Variants in GPD2 observed in about 807,000 individuals in gnomAD.
GPD2 encodes glycerol-3-phosphate dehydrogenase, mitochondrial.
Under a neutral mutation model 82.4 loss-of-function variants are expected in GPD2, and 54 were observed. The ratio of observed to expected loss-of-function variants is 0.66; its 90% CI spans 0.53 to 0.82. GPD2 has a LOEUF of 0.82. Among genes scored for constraint, GPD2 ranks in the 40% least tolerant of loss-of-function variants. The pLI, the probability that GPD2 is intolerant of heterozygous loss-of-function variation, is 0.00. For missense variants in GPD2, 748 were observed against 896.2 expected, an observed-to-expected ratio of 0.83 and a Z score of 2.11; for synonymous variants, 288 against 306.1, an observed-to-expected ratio of 0.94 and a Z score of 0.62.
the GPD2 span, among the ~76,000 whole-genome samples, chr2:156,419,124 A>G: frequency 7.3e-6 from 1 of 137,056 alleles, no homozygotes; most frequent in Non-Finnish European, 1.5e-5. Context: ...CAATGGTGCA[A>G]TCTTGGCTTA....
At chr2:156,436,223 T>A (rs1035995898), upstream of GPD2, among the ~76,000 whole-genome samples, 1 of 152,196 alleles carries the variant, frequency 6.6e-6, no homozygotes, top group African/African-American at 2.4e-5. Flanking sequence ...CGGAGGAGCC[T>A]GGGCCCGAGG....
At position 156,557,530 on chromosome 2, in the gene GPD2, T is replaced by C. The variant is rs1306220369; in HGVS notation, c.1113T>C (p.Asp371=). ...VTHHPIPSEE[D]INFILNEVRN... ...ACCATCCAATTCCTTCAGAAGAAGA[T>C]ATCAACTTCATTTTGAATGAAGTGC... Residue 371 remains aspartate, a synonymous_variant, in exon 9 of 17, where the codon GAT becomes GAC. Coordinates refer to ENST00000438166, the MANE Select transcript of GPD2 (RefSeq NM_000408.5). 6.2e-7 allele frequency: 1 copy of C among 1,602,396 alleles called. No homozygotes were observed. The highest frequency in any genetic ancestry group is 1.1e-5 in the South Asian group (1 of 90,812).
At chr2:156,550,952 G>T (rs1454870576) in intron 8 of GPD2, among the ~76,000 whole-genome samples, 1 of 152,122 alleles carries the variant, frequency 6.6e-6, no homozygotes, top group Non-Finnish European at 1.5e-5. Flanking sequence ...CGTTTCTAAG[G>T]GTTAATGCTT....
intron 6 of GPD2, among the ~76,000 whole-genome samples, chr2:156,536,213 G>A (rs370657861): frequency 1.3e-5 from 2 of 152,188 alleles, no homozygotes; most frequent in South Asian, 4.1e-4. Flanking sequence ...TTTTACAAAA[G>A]CATCTTTGTG....
chr2:156,569,472 A>T lies in GPD2; in HGVS notation c.1410A>T (p.Gln470His), dbSNP rs1373763812. The change falls in exon 11 of 17, where the codon CAA becomes CAT. Residue 470 changes from glutamine to histidine, a missense_variant. By Grantham distance (24) the Gln-to-His change is conservative (BLOSUM62 0). This residue lies in a region of GPD2 where 692 missense variants were observed against 809.7 expected (regional missense o/e 0.85). Coordinates refer to ENST00000438166, the MANE Select transcript of GPD2 (RefSeq NM_000408.5). ...GTAGAACAGTTGGGCTTTTCCTTCA[A>T]GGGGGTAAAGATTGGAGCCCCACAC... is the stretch of plus-strand genomic sequence containing the variant. ...GPSRTVGLFL[Q>H]GGKDWSPTLY... The T allele has an allele frequency of 6.2e-7, 1 of 1,612,758 alleles. No individual in the cohort carries two copies. The highest frequency in any genetic ancestry group is 8.5e-7 in the Non-Finnish European group (1 of 1,179,074).
chr2:156,555,206 C>T (rs1686917066), intron 8 of GPD2, among the ~76,000 whole-genome samples: 1 of 152,272 alleles, frequency 6.6e-6, no homozygotes. Flanking sequence ...TTTGTCTTCC[C>T]TCTGTGCTTG....
At chr2:156,562,780 T>C (rs1490524744) in intron 9 of GPD2, among the ~76,000 whole-genome samples, 2 of 152,206 alleles carry the variant, frequency 1.3e-5, no homozygotes, top group African/African-American at 4.8e-5. Context: ...GTGAAAATTG[T>C]CTGTTCAACT....
intron 4 of GPD2, 104 bp from the exon 5 acceptor site, chr2:156,512,110 CAGAGAT>C: frequency 1.8e-5 from 13 of 737,848 alleles, no homozygotes; most frequent in South Asian, 1.6e-4. Flanking sequence ...TATCCTCACT[CAGAGAT>C]AGAAGGTTTC....
chr2:156,427,815 C>T, the GPD2 span, among the ~76,000 whole-genome samples: 5 of 152,160 alleles, frequency 3.3e-5, no homozygotes, highest in African/African-American at 1.2e-4. Flanking sequence ...ATCAAGGGGT[C>T]AGCAGGGCTG....
At chr2:156,582,310 A>T (rs1446706671) in intron 16 of GPD2, among the ~76,000 whole-genome samples, 4 of 152,036 alleles carry the variant, frequency 2.6e-5, no homozygotes, top group Admixed American at 6.6e-5. Context: ...AATTAAATGT[A>T]AATTACGTTA....
the GPD2 span, among the ~76,000 whole-genome samples, chr2:156,402,629 C>T: frequency 6.6e-6 from 1 of 152,166 alleles, no homozygotes; most frequent in Non-Finnish European, 1.5e-5. Flanking sequence ...TACAGGTGTG[C>T]ACCACCATGC....
In GPD2 at chr2:156,436,391, C is replaced by G. The variant is rs561671631; in HGVS notation, c.-131C>G. 1 of 152,310 alleles carries G rather than the reference C, an allele frequency of 6.6e-6. No individual in the cohort carries two copies. The highest frequency in any genetic ancestry group is 1.5e-5 in the Non-Finnish European group (1 of 68,124). The allele number at this position is 152,310 out of a possible 1,614,324, so 9.4% of individuals were successfully genotyped here. A position where few individuals can be genotyped will look rare whatever the true frequency, so the allele number is the denominator to read the frequency against. ...CCCAGCCCGCCTCGAGTGACAGCCCCGCGCGCCTCGCTGGGAGCACCCGGG... is the reference window on the plus strand; with the variant it reads ...CCCAGCCCGCCTCGAGTGACAGCCCGGCGCGCCTCGCTGGGAGCACCCGGG... On this transcript the variant is annotated 5_prime_UTR_variant, in exon 1 of 17. Transcript: ENST00000438166.
intron 4 of GPD2, 38 bp from the exon 5 acceptor site, chr2:156,512,182 G>C (rs1227506134): frequency 2.1e-6 from 2 of 975,258 alleles, no homozygotes; most frequent in Non-Finnish European, 3.4e-6. Context: ...ATTATGATCT[G>C]TTACTGCCAA....
At chr2:156,523,500 C>T (rs187731030) in intron 6 of GPD2, among the ~76,000 whole-genome samples, 1 of 152,266 alleles carries the variant, frequency 6.6e-6, no homozygotes, top group Admixed American at 6.5e-5. Flanking sequence ...CTTATAAACT[C>T]ATGACCAAAC....
chr2:156,490,771 G>A (rs1333368181), intron 2 of GPD2, among the ~76,000 whole-genome samples: 1 of 152,090 alleles, frequency 6.6e-6, no homozygotes, highest in African/African-American at 2.4e-5. Flanking sequence ...GAAGATCTTA[G>A]TAGTACCTAA....
chr2:156,459,686 C>CAAAAAAAAAAAA (rs564494059), intron 1 of GPD2, among the ~76,000 whole-genome samples: 3,410 of 38,612 alleles, frequency 0.088, 761 homozygotes, highest in East Asian at 0.19. Flanking sequence ...GACTCCGTCT[C>CAAAAAAAAAAAA]AAAAAAAAAA....
At chr2:156,577,921 C>T (rs1240503013) in intron 13 of GPD2, among the ~76,000 whole-genome samples, 2 of 152,094 alleles carry the variant, frequency 1.3e-5, no homozygotes, top group African/African-American at 4.8e-5. Context: ...AAAGCTTTTA[C>T]TCAAAAGTAG....
At chr2:156,439,513 GAAAAAAA>G (rs1187242848) in intron 1 of GPD2, among the ~76,000 whole-genome samples, 226 of 31,612 alleles carry the variant, frequency 7.1e-3, no homozygotes, top group African/African-American at 0.03. Context: ...GACTGTCTCA[GAAAAAAA>G]AAAAAAAAAA....
chr2:156,545,449 A>ACT (rs1450915427), intron 6 of GPD2, among the ~76,000 whole-genome samples: 2 of 152,182 alleles, frequency 1.3e-5, no homozygotes, highest in Non-Finnish European at 1.5e-5. Context: ...ATTGCTCAAG[A>ACT]CTCAGGTCAG....
Sources: allele counts gnomAD v4.1 joint callset (sites outside exome capture counted in the v4.1 genomes callset), GRCh38; gene constraint gnomAD v4.1.1; regional missense constraint gnomAD v4.1.1; transcripts MANE v1.5; gene names NCBI Gene and HGNC (gene_info 2026-07-23, HGNC 2026-07-21).